DHRSX: variants seen among roughly 807,000 people sequenced by gnomAD.
DHRSX encodes polyprenol dehydrogenase.
DHRSX carries 31 observed loss-of-function variants against 34.0 expected under a neutral mutation model. That is an observed-to-expected ratio of 0.91 (90% CI 0.69 to 1.23). The LOEUF is 1.23. Ranked by LOEUF, DHRSX falls within the 50% of genes most tolerant of loss-of-function variation. The pLI is 0.00. For synonymous variants in DHRSX, 201 were observed against 183.8 expected (o/e 1.09, Z -0.76); for missense variants, 414 against 428.1 (o/e 0.97, Z 0.29).
At chrX:2,364,823 G>A (rs139674083) in intron 3 of DHRSX, among the ~76,000 whole-genome samples, 6,646 of 151,770 alleles carry the variant, frequency 0.044, 171 homozygotes, top group African/African-American at 0.074. Context: ...ATTGACCATC[G>A]ATCATTTATC....
chrX:2,453,600 C>G (rs1051948603), intron 1 of DHRSX, among the ~76,000 whole-genome samples: 1 of 152,046 alleles, frequency 6.6e-6, no homozygotes, highest in Non-Finnish European at 1.5e-5. Context: ...TGAGCCATGA[C>G]TTGGAGGCTG....
intron 1 of DHRSX, among the ~76,000 whole-genome samples, chrX:2,472,815 T>C (rs34047261): frequency 0.21 from 31,337 of 152,014 alleles, 4,333 homozygotes; most frequent in African/African-American, 0.39. Context: ...CTATTGGGAA[T>C]ATTTTACTGA....
At chrX:2,342,631 C>T (rs2042654942) in intron 3 of DHRSX, among the ~76,000 whole-genome samples, 1 of 152,164 alleles carries the variant, frequency 6.6e-6, no homozygotes, top group Non-Finnish European at 1.5e-5. Context: ...TGAACACTCA[C>T]GGATGCCTGG....
chrX:2,228,669 G>A (rs1443044175), intron 6 of DHRSX, among the ~76,000 whole-genome samples: 1 of 151,970 alleles, frequency 6.6e-6, no homozygotes, highest in African/African-American at 2.4e-5. Flanking sequence ...TGATTTCTAA[G>A]ATAAGGCAGA....
intron 3 of DHRSX, among the ~76,000 whole-genome samples, chrX:2,348,082 T>C (rs780434720): frequency 3.3e-5 from 5 of 152,098 alleles, no homozygotes; most frequent in Admixed American, 6.6e-5. Context: ...GCCAGGCCAA[T>C]TGGGTCCCTG....
intron 4 of DHRSX, among the ~76,000 whole-genome samples, chrX:2,282,729 AGGGAGAGGGAGAAT>A (rs2041731620): frequency 7.9e-6 from 1 of 126,920 alleles, no homozygotes; most frequent in African/African-American, 3.0e-5. Context: ...AGAGGGAGGG[AGGGAGAGGGAGAAT>A]GGGAGAGAGA....
At chrX:2,445,073 C>T (rs1246939722) in intron 1 of DHRSX, among the ~76,000 whole-genome samples, 4 of 152,038 alleles carry the variant, frequency 2.6e-5, no homozygotes, top group Non-Finnish European at 5.9e-5. Context: ...GGGGGAATTG[C>T]TTGAACCCAG....
intron 1 of DHRSX, among the ~76,000 whole-genome samples, chrX:2,496,836 T>G (rs1413417613): frequency 6.7e-6 from 1 of 149,426 alleles, no homozygotes; most frequent in Non-Finnish European, 1.5e-5. Flanking sequence ...AAATATAACT[T>G]ATTTGTATTT....
intron 3 of DHRSX, among the ~76,000 whole-genome samples, chrX:2,351,501 A>G (rs1016885713): frequency 4.6e-5 from 7 of 152,144 alleles, no homozygotes; most frequent in African/African-American, 1.7e-4. Flanking sequence ...AGACTTGGAG[A>G]TTGAGAAAGC....
intron 6 of DHRSX, among the ~76,000 whole-genome samples, chrX:2,232,138 C>T (rs2015909259): frequency 6.6e-6 from 1 of 150,990 alleles, no homozygotes; most frequent in Non-Finnish European, 1.5e-5. Context: ...CTTCCCCTTC[C>T]TCTTTCTCCT....
At chrX:2,259,236 G>A (rs962611345) in intron 5 of DHRSX, among the ~76,000 whole-genome samples, 1 of 151,122 alleles carries the variant, frequency 6.6e-6, no homozygotes, top group African/African-American at 2.4e-5. Context: ...TCGCACCACT[G>A]CATTGCAGCC....
intron 3 of DHRSX, among the ~76,000 whole-genome samples, chrX:2,330,068 G>A (rs1386663005): frequency 8.0e-4 from 3 of 3,760 alleles, no homozygotes; most frequent in South Asian, 6.4e-3. Context: ...GAAGCAGAGA[G>A]ACGGCGGGGG....
rs183827464 is a variant in DHRSX at position 2,283,170 on chromosome X, G to C, written c.388+8332C>G. Reference sequence around the variant, plus strand: ...CGGTGGGAAGGATGGAGCCAGTCCAGGGAGGCTATGGGACGGACGCCCTGA... The same window carrying C: ...CGGTGGGAAGGATGGAGCCAGTCCACGGAGGCTATGGGACGGACGCCCTGA... On this transcript the variant is annotated intron_variant, in intron 4 of 6. Coordinates refer to ENST00000334651, the MANE Select transcript of DHRSX (RefSeq NM_145177.3). Among the ~76,000 whole-genome samples, 254 of 152,124 alleles carry C rather than the reference G, an allele frequency of 1.7e-3. 1 individual carries two copies. Among genetic ancestry groups the C allele is most frequent in the African/African-American group, 5.1e-3 (211 of 41,504 alleles).
intron 3 of DHRSX, among the ~76,000 whole-genome samples, chrX:2,377,348 CG>C (rs1050668200): frequency 7.3e-5 from 11 of 151,580 alleles, no homozygotes; most frequent in African/African-American, 2.7e-4. Flanking sequence ...TGGTCCCATC[CG>C]GGGGGTGATG....
At chrX:2,357,394 T>G (rs1417934624) in intron 3 of DHRSX, among the ~76,000 whole-genome samples, 3 of 152,030 alleles carry the variant, frequency 2.0e-5, no homozygotes, top group African/African-American at 4.8e-5. Context: ...GATCTGCCAT[T>G]ATAAGATGTA....
intron 6 of DHRSX, among the ~76,000 whole-genome samples, chrX:2,236,071 C>T (rs1448258697): frequency 6.6e-6 from 1 of 151,850 alleles, no homozygotes; most frequent in Non-Finnish European, 1.5e-5. Flanking sequence ...GAGATCGCGC[C>T]ATTGTACTCC....
intron 3 of DHRSX, among the ~76,000 whole-genome samples, chrX:2,312,163 T>C (rs1397958292): frequency 6.6e-6 from 1 of 151,932 alleles, no homozygotes; most frequent in Non-Finnish European, 1.5e-5. Context: ...ACCAGGAAAC[T>C]CTCTCCACCC....
At chrX:2,265,411 A>C (rs2041439499) in intron 5 of DHRSX, among the ~76,000 whole-genome samples, 1 of 134,128 alleles carries the variant, frequency 7.5e-6, no homozygotes, top group Non-Finnish European at 1.6e-5. Flanking sequence ...CAGCAGACGC[A>C]GGGAGCACTG....
At chrX:2,351,126 T>C (rs1602989986) in intron 3 of DHRSX, among the ~76,000 whole-genome samples, 1 of 152,242 alleles carries the variant, frequency 6.6e-6, no homozygotes, top group East Asian at 1.9e-4. Context: ...AAATACTTAA[T>C]GCATGCAGGG....
Sources: gnomAD v4.1 joint callset for allele counts (sites outside exome capture counted in the v4.1 genomes callset) on GRCh38, gnomAD v4.1.1 for gene constraint, MANE v1.5 for transcripts, NCBI Gene and HGNC (gene_info 2026-07-23, HGNC 2026-07-21) for gene names.